PRKG1: variants seen among roughly 807,000 people sequenced by gnomAD.
PRKG1 encodes cGMP-dependent protein kinase 1.
In PRKG1, 35 loss-of-function variants were observed where a neutral mutation model predicts 88.1. That is an observed-to-expected ratio of 0.40 (90% CI 0.30 to 0.53). PRKG1 has a LOEUF of 0.53. Among genes scored for constraint, PRKG1 ranks in the 20% least tolerant of loss-of-function variants. PRKG1 has a pLI of 0.59. For missense variants in PRKG1, 540 were observed against 839.8 expected (o/e 0.64, Z 4.41); for synonymous variants, 303 against 292.5 (o/e 1.04, Z -0.37).
intron 2 of PRKG1, among the ~76,000 whole-genome samples, chr10:51,398,532 G>A (rs544720194): frequency 1.9e-4 from 29 of 152,280 alleles, no homozygotes; most frequent in Admixed American, 4.6e-4. Context: ...TCAGACAGTG[G>A]GCTAAAGAGT....
intron 2 of PRKG1, among the ~76,000 whole-genome samples, chr10:51,362,736 A>T (rs548469125): frequency 6.6e-6 from 1 of 151,774 alleles, no homozygotes; most frequent in African/African-American, 2.4e-5. Flanking sequence ...CCATCAACCC[A>T]TCGTCTACGT....
chr10:52,068,139 C>A (rs1846402325), intron 7 of PRKG1, among the ~76,000 whole-genome samples: 1 of 129,204 alleles, frequency 7.7e-6, no homozygotes, highest in Non-Finnish European at 1.6e-5. Flanking sequence ...GGAGGCGGAG[C>A]TTGCAGTGAG....
At chr10:51,503,206 ATC>A (rs1452750540) in intron 3 of PRKG1, among the ~76,000 whole-genome samples, 1 of 152,056 alleles carries the variant, frequency 6.6e-6, no homozygotes. Flanking sequence ...TGCCACCATC[ATC>A]TCTTTCCAAT....
intron 5 of PRKG1, among the ~76,000 whole-genome samples, chr10:52,001,095 C>T (rs1589503525): frequency 6.6e-6 from 1 of 151,866 alleles, no homozygotes; most frequent in African/African-American, 2.4e-5. Context: ...TGAGGTCATG[C>T]AGTATTTGTC....
intron 7 of PRKG1, among the ~76,000 whole-genome samples, chr10:52,116,266 T>C (rs1483824492): frequency 1.3e-5 from 2 of 152,178 alleles, no homozygotes; most frequent in African/African-American, 2.4e-5. Flanking sequence ...ATAAACAATG[T>C]ATACGTGTTT....
intron 3 of PRKG1, among the ~76,000 whole-genome samples, chr10:51,637,372 G>T (rs1839682578): frequency 6.6e-6 from 1 of 152,168 alleles, no homozygotes; most frequent in South Asian, 2.1e-4. Context: ...ATTCCTCAAA[G>T]ACCTAGAGGC....
At chr10:51,124,013 C>A (rs996220169) in intron 1 of PRKG1, among the ~76,000 whole-genome samples, 3 of 152,058 alleles carry the variant, frequency 2.0e-5, no homozygotes, top group Admixed American at 6.6e-5. Context: ...CCTCCATGAT[C>A]CAATCACCTC....
At chr10:51,528,883 T>G (rs1172990132) in intron 3 of PRKG1, among the ~76,000 whole-genome samples, 1 of 152,124 alleles carries the variant, frequency 6.6e-6, no homozygotes, top group Non-Finnish European at 1.5e-5. Flanking sequence ...GTCCCCAATG[T>G]AAATGGAAAT....
At position 51,098,999 on chromosome 10, in the gene PRKG1, G is replaced by A. The variant is rs544527649; in HGVS notation, c.311+24098G>A. 4.7e-4 allele frequency among the ~76,000 whole-genome samples: 72 copies of A among 152,322 alleles called. No homozygotes were observed. In the South Asian group the frequency reaches 0.015, roughly 32 times the overall value. The stretch of plus-strand genomic sequence containing the variant: ...CCTAGCTCCCTTGCCTCAGAGAGTT[G>A]TAATTTTTCCTCCAGCGTTCCTTGC... On this transcript the variant is annotated intron_variant, in intron 1 of 17. Coordinates refer to ENST00000373980, the MANE Select transcript of PRKG1 (RefSeq NM_006258.4).
At chr10:52,166,482 G>A (rs535724794) in intron 9 of PRKG1, among the ~76,000 whole-genome samples, 1 of 134,294 alleles carries the variant, frequency 7.4e-6, no homozygotes, top group Admixed American at 7.8e-5. Context: ...CGCCCAGGCT[G>A]GAGTGCAGTG....
At chr10:51,786,556 G>C (rs1838734918) in intron 3 of PRKG1, among the ~76,000 whole-genome samples, 1 of 151,970 alleles carries the variant, frequency 6.6e-6, no homozygotes, top group African/African-American at 2.4e-5. Flanking sequence ...ATGTTCCTGT[G>C]GGAGGCTCCC....
chr10:51,559,391 A>G (rs1463496955), intron 3 of PRKG1, among the ~76,000 whole-genome samples: 1 of 152,132 alleles, frequency 6.6e-6, no homozygotes, highest in South Asian at 2.1e-4. Flanking sequence ...TGATTGCATT[A>G]GAGGTGACTG....
chr10:51,207,818 CTG>C, intron 2 of PRKG1, among the ~76,000 whole-genome samples: 1 of 152,292 alleles, frequency 6.6e-6, no homozygotes, highest in East Asian at 1.9e-4. Flanking sequence ...GTTTTCAGTA[CTG>C]TCTTATATTC....
intron 2 of PRKG1, among the ~76,000 whole-genome samples, chr10:51,390,078 A>G (rs933179217): frequency 7.2e-5 from 11 of 152,232 alleles, no homozygotes; most frequent in Non-Finnish European, 1.5e-4. Flanking sequence ...CGAGGCATTC[A>G]GTTGAATAAG....
chr10:51,892,589 A>G (rs1231135297), intron 4 of PRKG1, among the ~76,000 whole-genome samples: 1 of 152,214 alleles, frequency 6.6e-6, no homozygotes, highest in Non-Finnish European at 1.5e-5. Context: ...TGCAGAACAA[A>G]TAGCAAACTC....
At chr10:51,940,201 C>T (rs1469072283) in intron 5 of PRKG1, among the ~76,000 whole-genome samples, 1 of 151,428 alleles carries the variant, frequency 6.6e-6, no homozygotes, top group African/African-American at 2.4e-5. Context: ...AAAAATAAGC[C>T]CTTGTCTTTT....
intron 1 of PRKG1, among the ~76,000 whole-genome samples, chr10:51,005,159 A>G (rs1842928381): frequency 6.6e-6 from 1 of 152,208 alleles, no homozygotes; most frequent in Non-Finnish European, 1.5e-5. Context: ...AGGGTATTCA[A>G]TCGTGTGATT....
chr10:51,249,405 A>C (rs1200229931), intron 2 of PRKG1, among the ~76,000 whole-genome samples: 2 of 151,892 alleles, frequency 1.3e-5, no homozygotes, highest in Admixed American at 6.6e-5. Context: ...GAATTTTTAA[A>C]ATATGTAGAA....
At chr10:51,648,511 T>A (rs1185321200) in intron 3 of PRKG1, among the ~76,000 whole-genome samples, 1 of 152,142 alleles carries the variant, frequency 6.6e-6, no homozygotes, top group African/African-American at 2.4e-5. Flanking sequence ...TCTCTTTTTT[T>A]AAACTCAGAG....
Sources: allele counts gnomAD v4.1 joint callset (sites outside exome capture counted in the v4.1 genomes callset), GRCh38; gene constraint gnomAD v4.1.1; transcripts MANE v1.5; gene names NCBI Gene and HGNC (gene_info 2026-07-23, HGNC 2026-07-21).